MEF2D: variants seen among roughly 807,000 people sequenced by gnomAD.
The protein encoded by MEF2D is myocyte-specific enhancer factor 2D.
MEF2D carries 10 observed loss-of-function variants against 59.3 expected under a neutral mutation model. That is an observed-to-expected ratio of 0.17 (90% CI 0.10 to 0.29). The LOEUF is 0.29. Among genes scored for constraint, MEF2D ranks in the 10% least tolerant of loss-of-function variants. The pLI is 1.00. For missense variants in MEF2D, 508 were observed against 699.4 expected (o/e 0.73, Z 3.09); for synonymous variants, 305 against 295.0 (o/e 1.03, Z -0.35).
chr1:156,488,269 C>T (rs74116853), intron 1 of MEF2D, among the ~76,000 whole-genome samples: 1 of 152,134 alleles, frequency 6.6e-6, no homozygotes, highest in African/African-American at 2.4e-5. Context: ...CATATCTGTT[C>T]CCATCCTAGT....
At position 156,468,996 on chromosome 1, in the gene MEF2D, A is replaced by G. The variant is rs770674003; in HGVS notation, c.1031T>C (p.Leu344Pro). The G allele has an allele frequency of 1.9e-6, 3 of 1,602,532 alleles. No homozygotes were observed. The highest frequency in any genetic ancestry group is 2.6e-6 in the Non-Finnish European group (3 of 1,170,374). ...TGAACTAAAGGCTGGTAAGGAGGAG[A>G]GCTCTGCACTGGTCAACTGGTAATC... ...NTDYQLTSAE[L>P]SSLPAFSSPG... is the part of the protein sequence containing the mutation. The change falls in exon 10 of 12, where the codon CTC becomes CCC. Residue 344 changes from leucine (L) to proline (P), a missense_variant. Physicochemically the swap from Leu to Pro is moderately conservative, Grantham distance 98. This residue lies in a region of MEF2D where 481 missense variants were observed against 584.7 expected (regional missense o/e 0.82). Transcript: ENST00000348159. The surrounding 1 kb of genome is among the most constrained non-coding windows in gnomAD (Gnocchi z 4.3).
In MEF2D at chr1:156,482,592, G is replaced by A. The variant is rs749715538; in HGVS notation, c.103C>T (p.Leu35=). ...KFGLMKKAYE[L]SVLCDCEIAL... ...ATCTCGCAGTCACATAGCACGCTCA[G>A]CTCATACGCCTTCTTCATCAGGCCA... Residue 35 remains leucine (L), a synonymous_variant, in exon 3 of 12, where the codon CTG becomes TTG. Transcript: ENST00000348159. 15 of 1,614,242 alleles carry A rather than the reference G, an allele frequency of 9.3e-6. No individual in the cohort carries two copies. In the East Asian group the frequency reaches 3.1e-4, roughly 34 times the overall value.
chr1:156,497,065 C>T (rs1028988748), intron 1 of MEF2D, among the ~76,000 whole-genome samples: 6 of 152,248 alleles, frequency 3.9e-5, no homozygotes, highest in Admixed American at 1.3e-4. Flanking sequence ...TCTCTCTCCC[C>T]CCCAGCTTCC....
chr1:156,487,943 G>A (rs1672476360), intron 1 of MEF2D, among the ~76,000 whole-genome samples: 1 of 152,234 alleles, frequency 6.6e-6, no homozygotes, highest in South Asian at 2.1e-4. Flanking sequence ...GGCTTGGGAG[G>A]ACTTGGGCTA....
At chr1:156,495,793 G>T (rs1429203209) in intron 1 of MEF2D, among the ~76,000 whole-genome samples, 1 of 63,750 alleles carries the variant, frequency 1.6e-5, no homozygotes, top group Non-Finnish European at 3.1e-5. Context: ...CCTCTGCATG[G>T]TTTCCTCGTC....
chr1:156,467,785 A>G, intron 11 of MEF2D, 129 bp from the exon 12 acceptor site: 3 of 1,101,278 alleles, frequency 2.7e-6, no homozygotes, highest in East Asian at 2.7e-5. Context: ...GGAAGAAGTC[A>G]TCGAGCAGAA....
intron 1 of MEF2D, among the ~76,000 whole-genome samples, chr1:156,495,065 G>T (rs1673049623): frequency 6.6e-6 from 1 of 152,202 alleles, no homozygotes; most frequent in African/African-American, 2.4e-5. Context: ...AGCAGGAGGG[G>T]TCTCGGAGTG....
At position 156,480,889 on chromosome 1, in the gene MEF2D, T is replaced by A. The variant is rs761074021; in HGVS notation, c.341A>T (p.Glu114Val). The A allele has an allele frequency of 3.7e-6, 6 of 1,609,636 alleles. No individual in the cohort carries two copies. Among genetic ancestry groups the A allele is most frequent in the Non-Finnish European group, 5.1e-6 (6 of 1,178,322 alleles). Residue 114 changes from glutamate (E) to valine (V), a missense_variant, in exon 4 of 12, where the codon GAG becomes GTG. Physicochemically the swap from Glu to Val is moderately radical, Grantham distance 121. Around this residue, in one of 2 missense-constraint regions of MEF2D, gnomAD observed 481 missense variants for 584.7 expected, o/e 0.82. Coordinates refer to ENST00000348159, the MANE Select transcript of MEF2D (RefSeq NM_005920.4). Reference protein sequence around the residue: ...EDSLEQSPLLEDKYRRASEEL... With the variant: ...EDSLEQSPLLVDKYRRASEEL... ...CTCGCTGGCGCGTCGGTACTTGTCCTCCAGCAGGGGGCTCTGTTCCAGCGA... is the reference window on the plus strand; with the variant it reads ...CTCGCTGGCGCGTCGGTACTTGTCCACCAGCAGGGGGCTCTGTTCCAGCGA...
intron 9 of MEF2D, among the ~76,000 whole-genome samples, chr1:156,470,166 G>T (rs1671143402): frequency 6.6e-6 from 1 of 152,206 alleles, no homozygotes; most frequent in Non-Finnish European, 1.5e-5. Context: ...CAGCACTATT[G>T]TTTCATGCTG....
At position 156,477,004 on chromosome 1, in the gene MEF2D, C is replaced by T; in HGVS notation, c.855+8G>A. 1 of 1,613,644 alleles carries T rather than the reference C, an allele frequency of 6.2e-7. No homozygotes were observed. The highest frequency in any genetic ancestry group is 2.2e-5 in the East Asian group (1 of 44,878). On this transcript the variant is annotated splice_region_variant and intron_variant, in intron 7 of 11. Coordinates refer to ENST00000348159, the MANE Select transcript of MEF2D (RefSeq NM_005920.4). The stretch of plus-strand genomic sequence containing the variant: ...CAGCCCCCACCCTTGGCCCAGACAC[C>T]CACTTACCAAGTGATGCATTAACCC...
At position 156,468,962 on chromosome 1, in the gene MEF2D, C is replaced by G. The variant is rs748617583; in HGVS notation, c.1065G>C (p.Gly355=). The G allele has an allele frequency of 6.2e-7, 1 of 1,613,382 alleles. No homozygotes were observed. The highest frequency in any genetic ancestry group is 1.1e-5 in the South Asian group (1 of 91,042). ...SSLPAFSSPG[G]LSLGNVTAWQ... ...AGGCAGTGACATTGCCTAGCGACAG[C>G]CCCCCAGGTGAACTAAAGGCTGGTA... is the stretch of plus-strand genomic sequence containing the variant. The change falls in exon 10 of 12, where the codon GGG becomes GGC. Residue 355 remains glycine, a synonymous_variant. Transcript: ENST00000348159. This position sits in a 1 kb window ranked among gnomAD's most constrained non-coding sequence, Gnocchi z 4.3.
chr1:156,498,412 G>A (rs893271125), intron 1 of MEF2D, among the ~76,000 whole-genome samples: 2 of 152,122 alleles, frequency 1.3e-5, no homozygotes, highest in Non-Finnish European at 2.9e-5. Flanking sequence ...TTCTTCCCTT[G>A]GACTGGGGCT....
At chr1:156,473,500 G>A (rs1234187306) in intron 9 of MEF2D, among the ~76,000 whole-genome samples, 2 of 152,246 alleles carry the variant, frequency 1.3e-5, no homozygotes, top group East Asian at 3.8e-4. Flanking sequence ...GAGGAAGGCA[G>A]AGGTCTCTAG....
Position 156,477,203 on chromosome 1 carries a change from C to A in MEF2D, c.665-1G>T. On this transcript the variant is annotated splice_acceptor_variant, in intron 6 of 11. Coordinates refer to ENST00000348159, the MANE Select transcript of MEF2D (RefSeq NM_005920.4). LOFTEE classifies it high-confidence loss of function. ...GCCCGAGCACTGACGTAGCCATTCC[C>A]TGGAGAAGTGACAACAAGAGGGTAA... 6.3e-7 allele frequency: 1 copy of A among 1,593,002 alleles called. No individual in the cohort carries two copies. The highest frequency in any genetic ancestry group is 8.6e-7 in the Non-Finnish European group (1 of 1,168,428).
chr1:156,489,079 C>T (rs1029682152), intron 1 of MEF2D, among the ~76,000 whole-genome samples: 3 of 152,190 alleles, frequency 2.0e-5, no homozygotes, highest in South Asian at 2.1e-4. Flanking sequence ...TGAGCAGCCT[C>T]GCATCACAGA....
intron 1 of MEF2D, among the ~76,000 whole-genome samples, chr1:156,485,522 C>CTT (rs60165062): frequency 2.3e-5 from 3 of 131,806 alleles, no homozygotes; most frequent in African/African-American, 5.7e-5. Flanking sequence ...TCTCCTTCTT[C>CTT]TTTTTTTTTT....
intron 1 of MEF2D, among the ~76,000 whole-genome samples, chr1:156,495,801 G>T (rs1053091413): frequency 1.8e-5 from 2 of 111,696 alleles, no homozygotes; most frequent in Non-Finnish European, 3.5e-5. Context: ...TGGTTTCCTC[G>T]TCTGCTCAGC....
At chr1:156,491,156 A>T (rs1001765799) in intron 1 of MEF2D, among the ~76,000 whole-genome samples, 1 of 152,186 alleles carries the variant, frequency 6.6e-6, no homozygotes, top group African/African-American at 2.4e-5. Context: ...AGCTTAGGGA[A>T]ATATGGGGTC....
chr1:156,467,635 G>A lies in MEF2D; in HGVS notation c.*10C>T, dbSNP rs977869257. 2 of 1,322,354 alleles carry A rather than the reference G, an allele frequency of 1.5e-6. No homozygotes were observed. The highest frequency in any genetic ancestry group is 1.5e-5 in the African/African-American group (1 of 66,490). The allele number at this position is 1,322,354 out of a possible 1,614,324, so 81.9% of individuals were successfully genotyped here. On this transcript the variant is annotated 3_prime_UTR_variant, in exon 12 of 12. Coordinates refer to ENST00000348159, the MANE Select transcript of MEF2D (RefSeq NM_005920.4). ...CATCAGGGAGGCTGAGAGGAGGGGAGTGGGAATCGTCACTTTAATGTCTGT... is the reference window on the plus strand; with the variant it reads ...CATCAGGGAGGCTGAGAGGAGGGGAATGGGAATCGTCACTTTAATGTCTGT...
Sources: allele counts gnomAD v4.1 joint callset (sites outside exome capture counted in the v4.1 genomes callset), GRCh38; gene constraint gnomAD v4.1.1; regional missense constraint gnomAD v4.1.1; non-coding constraint Gnocchi (gnomAD v3.1); transcripts MANE v1.5; gene names NCBI Gene and HGNC (gene_info 2026-07-23, HGNC 2026-07-21).